MGA: variants seen among roughly 807,000 people sequenced by gnomAD.
MGA encodes MAX gene-associated protein.
MGA carries 40 observed loss-of-function variants against 261.1 expected under a neutral mutation model. The ratio of observed to expected loss-of-function variants is 0.15; its 90% CI spans 0.12 to 0.20. The LOEUF is 0.20. MGA is among the 10% of genes least tolerant of loss of function. MGA has a pLI of 1.00. For missense variants in MGA, 3,397 were observed against 3,630.5 expected (o/e 0.94, Z 1.65); for synonymous variants, 1,302 against 1,290.6 (o/e 1.01, Z -0.19).
rs1440807466 is a variant in MGA at position 41,762,283 on chromosome 15, T to C, written c.7665T>C (p.Ser2555=). Residue 2555 remains serine, a synonymous_variant, in exon 22 of 24, where the codon TCT becomes TCC. Coordinates refer to ENST00000219905, the MANE Select transcript of MGA (RefSeq NM_001164273.2). ...AGCAGGAAGGATCTTCTGCATCATC[T>C]GTAGATCTTGGACAGATGTTTATAA... 2.5e-6 allele frequency: 4 copies of C among 1,613,960 alleles called. No homozygotes were observed. Among genetic ancestry groups the C allele is most frequent in the Non-Finnish European group, 3.4e-6 (4 of 1,179,872 alleles).
chr15:41,625,246 A>C (rs901215711), intron 1 of MGA, among the ~76,000 whole-genome samples: 26 of 152,236 alleles, frequency 1.7e-4, no homozygotes, highest in African/African-American at 6.3e-4. Context: ...ACATCTGTCT[A>C]GTTGGCAGAA....
intron 14 of MGA, among the ~76,000 whole-genome samples, chr15:41,740,721 C>A (rs894166853): frequency 6.6e-6 from 1 of 152,056 alleles, no homozygotes; most frequent in Non-Finnish European, 1.5e-5. Flanking sequence ...ACTTATGAAA[C>A]CAAGGAGCTA....
At chr15:41,657,901 A>G (rs184435339), upstream of MGA, among the ~76,000 whole-genome samples, 45 of 152,220 alleles carry the variant, frequency 3.0e-4, no homozygotes, top group Admixed American at 7.8e-4. Context: ...TGGATGAGGA[A>G]GTTTGTCTTG....
intron 19 of MGA, among the ~76,000 whole-genome samples, chr15:41,758,159 T>C (rs2063251923): frequency 6.6e-6 from 1 of 152,146 alleles, no homozygotes; most frequent in South Asian, 2.1e-4. Flanking sequence ...TCTTTCTTGC[T>C]TGGGCTCATG....
intron 1 of MGA, among the ~76,000 whole-genome samples, chr15:41,627,623 T>G (rs571243148): frequency 6.6e-6 from 1 of 152,366 alleles, no homozygotes; most frequent in Non-Finnish European, 1.5e-5. Flanking sequence ...AGTAAATATC[T>G]GTTGATATTC....
chr15:41,623,591 A>G (rs2056364216), intron 1 of MGA, among the ~76,000 whole-genome samples: 1 of 152,018 alleles, frequency 6.6e-6, no homozygotes, highest in South Asian at 2.1e-4. Context: ...CTAAAAATAC[A>G]AAATTAGCCG....
chr15:41,728,745 G>T (rs768144100), intron 10 of MGA, among the ~76,000 whole-genome samples: 7 of 152,076 alleles, frequency 4.6e-5, no homozygotes, highest in Non-Finnish European at 8.8e-5. Flanking sequence ...TGTTATTCAG[G>T]GGTCAGCTGG....
At chr15:41,691,284 T>C (rs1050811620) in intron 2 of MGA, among the ~76,000 whole-genome samples, 2 of 152,214 alleles carry the variant, frequency 1.3e-5, no homozygotes, top group African/African-American at 4.8e-5. Flanking sequence ...AAATATTTTA[T>C]TCTTGTTGAT....
chr15:41,762,795 T>C (rs1046818719), intron 22 of MGA, among the ~76,000 whole-genome samples: 4 of 152,044 alleles, frequency 2.6e-5, no homozygotes, highest in African/African-American at 9.7e-5. Flanking sequence ...ATTAAATGAA[T>C]TAAAGATGGG....
At chr15:41,665,615 G>C (rs1003865511) in intron 1 of MGA, among the ~76,000 whole-genome samples, 1 of 152,074 alleles carries the variant, frequency 6.6e-6, no homozygotes, top group African/African-American at 2.4e-5. Flanking sequence ...CGATCCTCCT[G>C]CCTCAGCCTC....
chr15:41,686,994 C>A (rs1470752901), intron 2 of MGA, among the ~76,000 whole-genome samples: 1 of 150,510 alleles, frequency 6.6e-6, no homozygotes, highest in African/African-American at 2.4e-5. Context: ...GCAAAGTGTT[C>A]TGTTTTCTGT....
intron 2 of MGA, among the ~76,000 whole-genome samples, chr15:41,676,269 A>G (rs981884727): frequency 8.6e-5 from 13 of 151,922 alleles, no homozygotes; most frequent in East Asian, 1.9e-4. Context: ...TGCAACCTCC[A>G]TGTCCTGGGT....
At chr15:41,668,503 C>G (rs1223216689) in intron 1 of MGA, among the ~76,000 whole-genome samples, 1 of 152,004 alleles carries the variant, frequency 6.6e-6, no homozygotes, top group Non-Finnish European at 1.5e-5. Flanking sequence ...TCAAATTTAA[C>G]TTTTTAATTT....
rs757060281 is a variant in MGA, at chr15:41,748,788, C to G, written c.5364C>G (p.Val1788=). 6.2e-7 allele frequency: 1 copy of G among 1,613,926 alleles called. No individual in the cohort carries two copies. The highest frequency in any genetic ancestry group is 2.2e-5 in the East Asian group (1 of 44,880). The change falls in exon 16 of 24, where the codon GTC becomes GTG. Residue 1788 remains valine (V), a synonymous_variant. Coordinates refer to ENST00000219905, the MANE Select transcript of MGA (RefSeq NM_001164273.2). ...CACAACTTCAGGGACATCGGATGGT[C>G]TTGCAGCCTGTTAGGAGTCCAAGTG...
At chr15:41,763,950 G>T (rs1056606266) in intron 22 of MGA, among the ~76,000 whole-genome samples, 20 of 151,988 alleles carry the variant, frequency 1.3e-4, no homozygotes, top group Non-Finnish European at 2.1e-4. Context: ...TTGCACTCAG[G>T]AATTTGAGAC....
At chr15:41,687,932 GTCTGTT>G (rs1204601707) in intron 2 of MGA, among the ~76,000 whole-genome samples, 1 of 152,016 alleles carries the variant, frequency 6.6e-6, no homozygotes, top group Non-Finnish European at 1.5e-5. Context: ...TTGTGGATTT[GTCTGTT>G]TCTCTTTTTG....
At chr15:41,649,379 C>CAA (rs35806439) in intron 1 of MGA, among the ~76,000 whole-genome samples, 2 of 136,178 alleles carry the variant, frequency 1.5e-5, no homozygotes, top group African/African-American at 2.7e-5. Flanking sequence ...GAGACTGTCT[C>CAA]AAAAAAAAAA....
chr15:41,656,066 G>A (rs188752864), upstream of MGA, among the ~76,000 whole-genome samples: 4 of 152,222 alleles, frequency 2.6e-5, no homozygotes, highest in Admixed American at 6.5e-5. Flanking sequence ...ATATTAATAC[G>A]TGGTTTTAAA....
intron 1 of MGA, among the ~76,000 whole-genome samples, chr15:41,665,505 C>T (rs1228175011): frequency 6.6e-6 from 1 of 151,826 alleles, no homozygotes; most frequent in Non-Finnish European, 1.5e-5. Context: ...GGGATCCTCT[C>T]ACCTCAGCCA....
Sources: gnomAD v4.1 joint callset for allele counts (sites outside exome capture counted in the v4.1 genomes callset) on GRCh38, gnomAD v4.1.1 for gene constraint, MANE v1.5 for transcripts, NCBI Gene and HGNC (gene_info 2026-07-23, HGNC 2026-07-21) for gene names.